The following ARHGAP32 variants were observed in gnomAD, a reference collection of about 807,000 sequenced individuals.
The protein encoded by ARHGAP32 is rho GTPase-activating protein 32.
In ARHGAP32, 51 loss-of-function variants were observed where a neutral mutation model predicts 186.5. That is an observed-to-expected ratio of 0.27 (90% confidence interval 0.22 to 0.35). ARHGAP32 has a LOEUF of 0.35. Ranked by LOEUF, ARHGAP32 falls within the 10% of genes least tolerant of loss-of-function variation. The pLI, the probability that ARHGAP32 is intolerant of heterozygous loss-of-function variation, is 1.00. For synonymous variants in ARHGAP32, 950 were observed against 964.3 expected (o/e 0.99, Z 0.27); for missense variants, 2,186 against 2,623.5 (o/e 0.83, Z 3.64).
In ARHGAP32 at chr11:128,985,938, A is replaced by G. The variant is rs895590423; in HGVS notation, c.1526+65T>C. 2.2e-5 allele frequency: 25 copies of G among 1,132,948 alleles called. No individual in the cohort carries two copies. The African/African-American group carries it at 2.8e-4, about 13-fold the overall frequency. The allele number at this position is 1,132,948 out of a possible 1,614,324, so 70.2% of individuals were successfully genotyped here. ...GGAAGTTTAAATAGAAATCCAAAGG[A>G]AAAAAAAACGTTTACAGGTCAACCG... On this transcript the variant is annotated intron_variant, in intron 15 of 22. Coordinates refer to ENST00000682385, the MANE Select transcript of ARHGAP32 (RefSeq NM_001378024.1).
intron 1 of ARHGAP32, among the ~76,000 whole-genome samples, chr11:129,270,068 G>T (rs945581801): frequency 5.3e-5 from 8 of 151,722 alleles, no homozygotes; most frequent in African/African-American, 1.9e-4. Context: ...ACACCCAGAT[G>T]CTTGTAGCAA....
chr11:129,141,995 T>G (rs372857270), intron 2 of ARHGAP32, among the ~76,000 whole-genome samples: 1 of 152,044 alleles, frequency 6.6e-6, no homozygotes, highest in Non-Finnish European at 1.5e-5. Flanking sequence ...ATAACTACAA[T>G]GTGCAAAGCT....
intron 2 of ARHGAP32, among the ~76,000 whole-genome samples, chr11:129,157,923 T>C (rs1943447256): frequency 6.6e-6 from 1 of 152,102 alleles, no homozygotes; most frequent in South Asian, 2.1e-4. Flanking sequence ...GGGGCCAATA[T>C]TCAACATTCT....
At chr11:129,157,049 C>T (rs559933287) in intron 2 of ARHGAP32, among the ~76,000 whole-genome samples, 3 of 152,206 alleles carry the variant, frequency 2.0e-5, no homozygotes, top group East Asian at 1.9e-4. Flanking sequence ...ACAAAAAGGA[C>T]GTACACACAT....
upstream of ARHGAP32, among the ~76,000 whole-genome samples, chr11:129,197,301 A>AT (rs1944404930): frequency 6.6e-6 from 1 of 152,154 alleles, no homozygotes; most frequent in Non-Finnish European, 1.5e-5. Context: ...TGCAGTATAC[A>AT]TTTGGGTTCA....
intron 1 of ARHGAP32, among the ~76,000 whole-genome samples, chr11:129,180,316 T>C (rs1031176793): frequency 1.3e-5 from 2 of 152,146 alleles, no homozygotes; most frequent in African/African-American, 4.8e-5. Context: ...ATTAATCTAT[T>C]GTGACAAAGT....
In ARHGAP32 at chr11:128,967,894, T is replaced by C. The variant is rs972001526; in HGVS notation, c.*1013A>G. 6.6e-6 allele frequency: 1 copy of C among 150,924 alleles called. No individual in the cohort carries two copies. Among genetic ancestry groups the C allele is most frequent in the Non-Finnish European group, 1.5e-5 (1 of 67,856 alleles). 9.3% of individuals were successfully genotyped at this position (150,924 alleles called of 1,614,324 possible). On this transcript the variant is annotated 3_prime_UTR_variant, in exon 23 of 23. Transcript: ENST00000682385. ...GGAAATTTATATTCATAATAAATTA[T>C]GCGTGTCTATCCAGTCAAACCATGC...
intron 11 of ARHGAP32, among the ~76,000 whole-genome samples, chr11:128,999,522 C>G (rs1344804776): frequency 1.3e-5 from 2 of 152,156 alleles, no homozygotes; most frequent in Admixed American, 1.3e-4. Flanking sequence ...GTGACCCACA[C>G]CCTATTCGTA....
intron 20 of ARHGAP32, among the ~76,000 whole-genome samples, chr11:128,976,102 T>TA (rs1565351052): frequency 1.4e-5 from 2 of 146,408 alleles, no homozygotes; most frequent in African/African-American, 5.0e-5. Flanking sequence ...TATATATATA[T>TA]TCACAAATGT....
At chr11:129,094,013 C>T (rs1176864349) in intron 5 of ARHGAP32, among the ~76,000 whole-genome samples, 1 of 151,962 alleles carries the variant, frequency 6.6e-6, no homozygotes, top group Admixed American at 6.6e-5. Context: ...GAGTTCAGAC[C>T]TTATTACATA....
At position 129,209,668 on chromosome 11, in the gene ARHGAP32, C is replaced by CA. The variant is rs35969101; in HGVS notation, c.-4-45242dup. Among the ~76,000 whole-genome samples the CA allele has an allele frequency of 7.9e-4, 114 of 144,802 alleles. No individual in the cohort carries two copies. The East Asian group carries it at 8.3e-3, about 11-fold the overall frequency. The allele number at this position is 144,802 out of a possible 152,430, so 95.0% of individuals were successfully genotyped here. On this transcript the variant is annotated intron_variant, in intron 1 of 6. Transcript: ENST00000525234. ...TTCTATTCCTGGTTTACAAATTTTG[C>CA]AAAAAAAAAAAAATTGTAAAAAGTT...
chr11:129,277,844 G>A lies in ARHGAP32; in HGVS notation c.-5+1302C>T, dbSNP rs984654034. 2.6e-5 allele frequency among the ~76,000 whole-genome samples: 4 copies of A among 152,160 alleles called. No individual in the cohort carries two copies. In the East Asian group the frequency reaches 5.8e-4, roughly 22 times the overall value. On this transcript the variant is annotated intron_variant, in intron 1 of 6. Coordinates refer to the ARHGAP32 transcript ENST00000525234. ...ACATTGAGTACTTGAAAAACTTTGA[G>A]GTCATGTTGTAGTAGTAATTAAAGC...
intron 2 of ARHGAP32, among the ~76,000 whole-genome samples, chr11:129,157,661 A>G (rs1233804855): frequency 6.6e-6 from 1 of 152,184 alleles, no homozygotes; most frequent in Admixed American, 6.5e-5. Context: ...ACTCTTCAAG[A>G]TATTATCCAG....
chr11:129,111,210 G>C (rs968420010), intron 5 of ARHGAP32, among the ~76,000 whole-genome samples: 2 of 152,186 alleles, frequency 1.3e-5, no homozygotes, highest in African/African-American at 2.4e-5. Flanking sequence ...GTCGGCTGAT[G>C]TGATGTATCA....
intron 1 of ARHGAP32, among the ~76,000 whole-genome samples, chr11:129,174,156 T>G (rs184478206): frequency 6.6e-6 from 1 of 152,170 alleles, no homozygotes; most frequent in African/African-American, 2.4e-5. Context: ...GGAGTTCCCT[T>G]TCCTAGTCAA....
intron 12 of ARHGAP32, among the ~76,000 whole-genome samples, chr11:128,992,728 A>G (rs1946094338): frequency 1.3e-5 from 2 of 152,162 alleles, no homozygotes; most frequent in African/African-American, 4.8e-5. Context: ...TGGAGGTTGC[A>G]GTGAGCCGAG....
rs933292592 is a variant in ARHGAP32 at position 128,974,515 on chromosome 11, T to C, written c.2682A>G (p.Pro894=). 1.2e-6 allele frequency: 2 copies of C among 1,614,112 alleles called. No individual in the cohort carries two copies. The highest frequency in any genetic ancestry group is 2.7e-5 in the African/African-American group (2 of 74,944). ...AGACGACCTTTTCAGTAAAGGAGGA[T>C]GGCTTAGATGATTTATCTTCAGTTG... ...LSPTEDKSSK[P]SSFTEKVVYA... Residue 894 remains proline (P), a synonymous_variant, in exon 21 of 23, where the codon CCA becomes CCG. Coordinates refer to ENST00000682385, the MANE Select transcript of ARHGAP32 (RefSeq NM_001378024.1).
At chr11:129,266,201 G>T (rs1945398533) in intron 1 of ARHGAP32, among the ~76,000 whole-genome samples, 1 of 152,124 alleles carries the variant, frequency 6.6e-6, no homozygotes, top group Admixed American at 6.5e-5. Context: ...CGGAGTTCTA[G>T]TTTCAACTGG....
intron 5 of ARHGAP32, among the ~76,000 whole-genome samples, chr11:129,100,215 T>C (rs1490832472): frequency 6.6e-6 from 1 of 152,162 alleles, no homozygotes; most frequent in Admixed American, 6.5e-5. Context: ...CTTGCAACCA[T>C]AGGTGGCTTT....
Sources: gnomAD v4.1 joint callset for allele counts (sites outside exome capture counted in the v4.1 genomes callset) on GRCh38, gnomAD v4.1.1 for gene constraint, MANE v1.5 for transcripts, NCBI Gene and HGNC (gene_info 2026-07-23, HGNC 2026-07-21) for gene names.